PHAF1: variants seen among roughly 807,000 people sequenced by gnomAD.
PHAF1 encodes the protein phagophore assembly factor 1.
In PHAF1, 23 loss-of-function variants were observed where a neutral mutation model predicts 63.1. The ratio of observed to expected loss-of-function variants is 0.36; its 90% CI spans 0.26 to 0.52. PHAF1 has a LOEUF of 0.52. Among genes scored for constraint, PHAF1 ranks in the 20% least tolerant of loss-of-function variants. The pLI is 0.93. For missense variants in PHAF1, 427 were observed against 517.2 expected (o/e 0.83, Z 1.69); for synonymous variants, 167 against 185.0 (o/e 0.90, Z 0.79).
chr16:67,132,387 A>C, intron 4 of PHAF1, 59 bp from the exon 5 acceptor site: 1 of 1,405,324 alleles, frequency 7.1e-7, no homozygotes, highest in Non-Finnish European at 9.8e-7. Flanking sequence ...CTACTATCTC[A>C]CATGATCTGT....
rs770355313 is a variant in PHAF1, at chr16:67,120,100, G to A, written c.65-12G>A. ...GCCAAAATAACCACATAGGTGTCTT[G>A]CTTTATTTCAGGAATGCCTCTGGCT... is the stretch of plus-strand genomic sequence containing the variant. On this transcript the variant is annotated splice_polypyrimidine_tract_variant and intron_variant, in intron 1 of 15. Transcript: ENST00000219139. 8 of 1,612,242 alleles carry A rather than the reference G, an allele frequency of 5.0e-6. No homozygotes were observed. Among genetic ancestry groups the A allele is most frequent in the Non-Finnish European group, 5.1e-6 (6 of 1,179,074 alleles).
chr16:67,142,835 G>C (rs548270141), intron 10 of PHAF1, among the ~76,000 whole-genome samples: 1 of 152,310 alleles, frequency 6.6e-6, no homozygotes, highest in Non-Finnish European at 1.5e-5. Flanking sequence ...GCTCTGCATA[G>C]TTCTATGGGA....
intron 2 of PHAF1, among the ~76,000 whole-genome samples, chr16:67,123,385 T>C (rs533535817): frequency 7.2e-5 from 11 of 151,896 alleles, no homozygotes; most frequent in Non-Finnish European, 1.5e-4. Context: ...GAGACCAGCC[T>C]GGCCAACATG....
intron 3 of PHAF1, among the ~76,000 whole-genome samples, chr16:67,130,160 C>T (rs1032366031): frequency 2.6e-5 from 4 of 151,990 alleles, no homozygotes; most frequent in African/African-American, 9.7e-5. Context: ...CATTCTCCTG[C>T]CTCAGCCTCC....
chr16:67,123,688 C>T (rs190572321), intron 2 of PHAF1, among the ~76,000 whole-genome samples: 74 of 152,270 alleles, frequency 4.9e-4, no homozygotes, highest in African/African-American at 1.6e-3. Context: ...CATGAACCAC[C>T]GCACCCAGCC....
rs906535901 is a variant in PHAF1 at position 67,131,270 on chromosome 16, T to A, written c.232-16T>A. The A allele has an allele frequency of 6.4e-7, 1 of 1,572,404 alleles. No individual in the cohort carries two copies. Among genetic ancestry groups the A allele is most frequent in the Non-Finnish European group, 8.7e-7 (1 of 1,152,246 alleles). ...ATCACTTTCAGAGCATTGACAACTC[T>A]TAAACTTTTTTTTAGGTGATCGAAG... On this transcript the variant is annotated splice_polypyrimidine_tract_variant and intron_variant, in intron 3 of 15. Transcript: ENST00000219139.
chr16:67,114,453 TA>T (rs1213581492), intron 1 of PHAF1, among the ~76,000 whole-genome samples: 7 of 151,494 alleles, frequency 4.6e-5, no homozygotes, highest in South Asian at 4.2e-4. Context: ...GTAGAAGATG[TA>T]TAGGGTACTG....
chr16:67,121,667 G>A (rs536145351), intron 2 of PHAF1, among the ~76,000 whole-genome samples: 70 of 145,994 alleles, frequency 4.8e-4, no homozygotes, highest in African/African-American at 1.2e-3. Flanking sequence ...CTCAACCTGC[G>A]CCTCCCGAGT....
rs1271717924 is a variant in PHAF1, at chr16:67,133,032, T to C, written c.450+121T>C. 4 of 831,404 alleles carry C rather than the reference T, an allele frequency of 4.8e-6. No individual in the cohort carries two copies. The African/African-American group carries it at 5.1e-5, about 11-fold the overall frequency. 51.5% of individuals were successfully genotyped at this position (831,404 alleles called of 1,614,324 possible). ...ATAGGCAGACTTTCTTTGGTTTCCA[T>C]GTATTTGAGCTCTACAGGGTAAAGT... is the stretch of plus-strand genomic sequence containing the variant. On this transcript the variant is annotated intron_variant, in intron 6 of 15. Coordinates refer to ENST00000219139, the MANE Select transcript of PHAF1 (RefSeq NM_025187.5).
chr16:67,131,201 ACT>A, intron 3 of PHAF1, 83 bp from the exon 4 acceptor site: 1 of 285,934 alleles, frequency 3.5e-6, no homozygotes. Flanking sequence ...TTTTTTTTTT[ACT>A]ATTTATTCTA....
chr16:67,140,620 C>T (rs1327989330), intron 10 of PHAF1, 26 bp downstream of exon 10: 1 of 1,500,820 alleles, frequency 6.7e-7, no homozygotes, highest in Non-Finnish European at 9.3e-7. Flanking sequence ...TCAGAGAAGC[C>T]CTTCATTTCT....
chr16:67,144,270 G>T (rs1480229473), intron 10 of PHAF1, 24 bp from the exon 11 acceptor site: 2 of 1,570,838 alleles, frequency 1.3e-6, no homozygotes, highest in Non-Finnish European at 1.8e-6. Flanking sequence ...TTCCCTCCTT[G>T]AGTACCCTTG....
At position 67,139,997 on chromosome 16, in the gene PHAF1, C is replaced by T; in HGVS notation, c.675C>T (p.Gly225=). Residue 225 remains glycine, a synonymous_variant, in exon 9 of 16, where the codon GGC becomes GGT. Coordinates refer to ENST00000219139, the MANE Select transcript of PHAF1 (RefSeq NM_025187.5). ...TGTTTTTTGCAGGTTGTGGACCTGG[C>T]CTATTAGCAGATGCCAAGATGCGGG... ...LRLLAAGCGP[G]LLADAKMRVF... is the part of the protein sequence containing the mutation. 6.2e-7 allele frequency: 1 copy of T among 1,614,004 alleles called. No individual in the cohort carries two copies. The highest frequency in any genetic ancestry group is 8.5e-7 in the Non-Finnish European group (1 of 1,179,994).
chr16:67,114,139 T>C (rs983034363), intron 1 of PHAF1, among the ~76,000 whole-genome samples: 5 of 152,100 alleles, frequency 3.3e-5, no homozygotes, highest in Non-Finnish European at 7.4e-5. Flanking sequence ...GAGATTACCT[T>C]GTTCCACAGA....
intron 1 of PHAF1, among the ~76,000 whole-genome samples, chr16:67,112,926 C>G (rs191178937): frequency 3.7e-4 from 57 of 152,268 alleles, no homozygotes; most frequent in East Asian, 3.7e-3. Flanking sequence ...TCTCCTCCCC[C>G]ACCCTGAACA....
At chr16:67,122,728 GGTTT>G (rs1199425207) in intron 2 of PHAF1, among the ~76,000 whole-genome samples, 5 of 151,780 alleles carry the variant, frequency 3.3e-5, no homozygotes, top group African/African-American at 9.7e-5. Context: ...ATAATCTTTG[GGTTT>G]GTTTATTTGT....
At chr16:67,145,021 G>T (rs966037189) in intron 12 of PHAF1, 144 bp downstream of exon 12, 15 of 1,050,182 alleles carry the variant, frequency 1.4e-5, no homozygotes, top group Non-Finnish European at 2.0e-5. Flanking sequence ...TCATTGTTCT[G>T]GGGGCTGCAG....
At chr16:67,117,840 C>T (rs1356045656) in intron 1 of PHAF1, among the ~76,000 whole-genome samples, 1 of 150,030 alleles carries the variant, frequency 6.7e-6, no homozygotes, top group Non-Finnish European at 1.5e-5. Flanking sequence ...TGAGACAGCA[C>T]CTGGCTCTGT....
intron 8 of PHAF1, among the ~76,000 whole-genome samples, chr16:67,139,433 C>T (rs966721145): frequency 6.9e-6 from 1 of 145,306 alleles, no homozygotes; most frequent in African/African-American, 2.6e-5. Flanking sequence ...ACTGCAACCT[C>T]TGCCTCCTGG....
Sources: gnomAD v4.1 joint callset for allele counts (sites outside exome capture counted in the v4.1 genomes callset) on GRCh38, gnomAD v4.1.1 for gene constraint, MANE v1.5 for transcripts, NCBI Gene and HGNC (gene_info 2026-07-23, HGNC 2026-07-21) for gene names.